The following UBE2E2 variants were observed in gnomAD, a reference collection of about 807,000 sequenced individuals.
UBE2E2 encodes the protein ubiquitin conjugating enzyme E2 E2, also known as ubiquitin-conjugating enzyme E2 E2.
Under a neutral mutation model 24.7 loss-of-function variants are expected in UBE2E2, and 6 were observed. That is an observed-to-expected ratio of 0.24 (90% CI 0.13 to 0.48). The LOEUF (loss-of-function observed/expected upper bound fraction) is 0.48. UBE2E2 is among the 20% of genes least tolerant of loss of function. UBE2E2 has a pLI of 0.99. For synonymous variants in UBE2E2, 104 were observed against 83.6 expected (o/e 1.24, Z -1.33); for missense variants, 169 against 245.0 (o/e 0.69, Z 2.07).
intron 3 of UBE2E2, among the ~76,000 whole-genome samples, chr3:23,278,373 A>G (rs922458610): frequency 2.0e-5 from 3 of 152,152 alleles, no homozygotes; most frequent in Non-Finnish European, 4.4e-5. Context: ...CTGCCATTTT[A>G]TGGTATATTA....
At chr3:23,437,741 G>A (rs149442431) in intron 3 of UBE2E2, among the ~76,000 whole-genome samples, 77 of 152,230 alleles carry the variant, frequency 5.1e-4, no homozygotes, top group East Asian at 3.1e-3. Context: ...GGATTTCTAC[G>A]TCCTTTTGGT....
chr3:23,550,632 T>A (rs929054169), intron 5 of UBE2E2, among the ~76,000 whole-genome samples: 2 of 152,098 alleles, frequency 1.3e-5, no homozygotes, highest in Non-Finnish European at 2.9e-5. Flanking sequence ...GGAGCCAGAT[T>A]TACACTCCTA....
chr3:23,576,463 G>A (rs1696349551), intron 5 of UBE2E2, among the ~76,000 whole-genome samples: 1 of 152,196 alleles, frequency 6.6e-6, no homozygotes. Flanking sequence ...AATTAGAGGA[G>A]AAAAGTGAAA....
At chr3:23,228,726 G>C (rs944151579) in intron 3 of UBE2E2, among the ~76,000 whole-genome samples, 1 of 152,048 alleles carries the variant, frequency 6.6e-6, no homozygotes, top group African/African-American at 2.4e-5. Context: ...ACATACTTTA[G>C]GGACCTAATG....
intron 3 of UBE2E2, among the ~76,000 whole-genome samples, chr3:23,242,929 C>G (rs1400355589): frequency 6.6e-6 from 1 of 151,740 alleles, no homozygotes; most frequent in East Asian, 1.9e-4. Flanking sequence ...CTACTAAAAA[C>G]ACAAAACTTA....
chr3:23,440,061 G>A (rs940248984), intron 3 of UBE2E2, among the ~76,000 whole-genome samples: 11 of 151,804 alleles, frequency 7.2e-5, no homozygotes, highest in Admixed American at 7.2e-4. Context: ...CACGAACGAG[G>A]TCAGGAGTTC....
chr3:23,359,965 C>G (rs1425296897), intron 3 of UBE2E2, among the ~76,000 whole-genome samples: 1 of 140,286 alleles, frequency 7.1e-6, no homozygotes, highest in Non-Finnish European at 1.6e-5. Flanking sequence ...GAAAGCCAGT[C>G]CTCTCTCTTG....
At chr3:23,304,159 C>T (rs542820869) in intron 3 of UBE2E2, among the ~76,000 whole-genome samples, 4 of 152,174 alleles carry the variant, frequency 2.6e-5, no homozygotes, top group African/African-American at 4.8e-5. Flanking sequence ...TTAAAACTAA[C>T]CTTAGCAGGC....
intron 3 of UBE2E2, among the ~76,000 whole-genome samples, chr3:23,497,025 A>G (rs1699616750): frequency 6.6e-6 from 1 of 152,224 alleles, no homozygotes; most frequent in Non-Finnish European, 1.5e-5. Context: ...TAAGCTAGAA[A>G]AAAGAAAATA....
intron 5 of UBE2E2, among the ~76,000 whole-genome samples, chr3:23,556,996 C>T (rs907978792): frequency 2.0e-5 from 3 of 152,156 alleles, no homozygotes; most frequent in Admixed American, 6.5e-5. Context: ...CCCTTCGGCA[C>T]ATTTCTCATC....
chr3:23,373,836 A>G (rs1049461062), intron 3 of UBE2E2, among the ~76,000 whole-genome samples: 3 of 152,228 alleles, frequency 2.0e-5, no homozygotes, highest in Admixed American at 2.0e-4. Context: ...CATAACAAAA[A>G]TGGACTTCTC....
Position 23,351,333 on chromosome 3 carries a change from A to T in UBE2E2, c.227+134021A>T, listed in dbSNP as rs564258644. On this transcript the variant is annotated intron_variant, in intron 3 of 5. Coordinates refer to ENST00000396703, the MANE Select transcript of UBE2E2 (RefSeq NM_152653.4). ...CTAGGAAGAAACTCCATCAACTAAC[A>T]AGCAAAATAACCAGCTAACATCATA... 1.3e-4 allele frequency among the ~76,000 whole-genome samples: 20 copies of T among 152,208 alleles called. 1 individual carries two copies. The highest frequency in any genetic ancestry group is 1.3e-3 in the Admixed American group (20 of 15,294).
intron 3 of UBE2E2, among the ~76,000 whole-genome samples, chr3:23,319,843 C>T (rs1374466792): frequency 6.7e-6 from 1 of 149,700 alleles, no homozygotes; most frequent in South Asian, 2.1e-4. Flanking sequence ...AAACAAAAAA[C>T]AAAAAAAAAC....
intron 3 of UBE2E2, among the ~76,000 whole-genome samples, chr3:23,301,899 C>T (rs971745530): frequency 6.6e-6 from 1 of 151,972 alleles, no homozygotes; most frequent in East Asian, 1.9e-4. Flanking sequence ...CATCTTGGCT[C>T]CTCCCCTTCC....
At chr3:23,298,492 C>T (rs1413821305) in intron 3 of UBE2E2, among the ~76,000 whole-genome samples, 2 of 152,166 alleles carry the variant, frequency 1.3e-5, no homozygotes, top group African/African-American at 4.8e-5. Context: ...GAGCTTTTAG[C>T]ATGAAGAGTT....
intron 3 of UBE2E2, among the ~76,000 whole-genome samples, chr3:23,226,361 T>C (rs1696826313): frequency 6.6e-6 from 1 of 152,206 alleles, no homozygotes; most frequent in Admixed American, 6.5e-5. Flanking sequence ...TAATTATTTT[T>C]CTTCTCTGCT....
intron 3 of UBE2E2, among the ~76,000 whole-genome samples, chr3:23,306,526 G>T (rs1250364194): frequency 6.6e-6 from 1 of 152,128 alleles, no homozygotes; most frequent in Non-Finnish European, 1.5e-5. Context: ...TCAAATTATA[G>T]ATAACAATAA....
intron 5 of UBE2E2, among the ~76,000 whole-genome samples, chr3:23,544,898 G>T (rs1272005353): frequency 2.0e-5 from 3 of 152,126 alleles, no homozygotes; most frequent in African/African-American, 4.8e-5. Context: ...ACAATAGTGG[G>T]GAGAGGGTCA....
chr3:23,314,211 C>A (rs1250566368), intron 3 of UBE2E2, among the ~76,000 whole-genome samples: 1 of 152,136 alleles, frequency 6.6e-6, no homozygotes, highest in South Asian at 2.1e-4. Context: ...TCACTGTGGC[C>A]TTGATTTCCC....
Sources: allele counts gnomAD v4.1 joint callset (sites outside exome capture counted in the v4.1 genomes callset), GRCh38; gene constraint gnomAD v4.1.1; transcripts MANE v1.5; gene names NCBI Gene and HGNC (gene_info 2026-07-23, HGNC 2026-07-21).